The following CNTN3 variants were observed in gnomAD, a reference collection of about 807,000 sequenced individuals.
CNTN3 encodes the protein contactin 3.
CNTN3 carries 60 observed loss-of-function variants against 119.1 expected under a neutral mutation model. That is an observed-to-expected ratio of 0.50 (90% CI 0.41 to 0.62). CNTN3 has a LOEUF of 0.62. CNTN3 is among the 20% of genes least tolerant of loss of function. The pLI, the probability that CNTN3 is intolerant of heterozygous loss-of-function variation, is 0.00. For synonymous variants in CNTN3, 450 were observed against 438.7 expected (o/e 1.03, Z -0.32); for missense variants, 1,101 against 1,242.4 (o/e 0.89, Z 1.71).
intron 5 of CNTN3, among the ~76,000 whole-genome samples, chr3:74,419,271 G>T (rs572126904): frequency 6.6e-6 from 1 of 152,162 alleles, no homozygotes; most frequent in African/African-American, 2.4e-5. Context: ...CTGCCTTGAC[G>T]GAGACTCTAG....
intron 1 of CNTN3, among the ~76,000 whole-genome samples, chr3:74,588,712 A>G (rs926932544): frequency 1.3e-5 from 2 of 152,152 alleles, no homozygotes; most frequent in African/African-American, 4.8e-5. Flanking sequence ...ACTATACTAC[A>G]AGGCTACAGT....
chr3:74,440,272 T>C (rs1204051973), intron 4 of CNTN3, among the ~76,000 whole-genome samples: 1 of 152,140 alleles, frequency 6.6e-6, no homozygotes. Flanking sequence ...TTCGCACATA[T>C]TATATATTAG....
chr3:74,322,492 T>A (rs1199560079), intron 13 of CNTN3, among the ~76,000 whole-genome samples: 1 of 152,154 alleles, frequency 6.6e-6, no homozygotes, highest in African/African-American at 2.4e-5. Flanking sequence ...ACTGACAACA[T>A]AAAATTCTGG....
chr3:74,303,406 C>T (rs116050428), intron 13 of CNTN3, among the ~76,000 whole-genome samples: 1,650 of 152,184 alleles, frequency 0.011, 13 homozygotes, highest in Middle Eastern at 0.02. Context: ...TTAAAAATAA[C>T]AGCTAGCCGG....
intron 1 of CNTN3, among the ~76,000 whole-genome samples, chr3:74,592,802 T>C (rs1009482264): frequency 1.3e-5 from 2 of 151,984 alleles, no homozygotes; most frequent in Non-Finnish European, 2.9e-5. Flanking sequence ...ACATTTTATA[T>C]GTCACACTGA....
intron 1 of CNTN3, among the ~76,000 whole-genome samples, chr3:74,607,702 T>C (rs779950752): frequency 6.6e-6 from 1 of 152,192 alleles, no homozygotes; most frequent in Non-Finnish European, 1.5e-5. Flanking sequence ...GTTCATGATA[T>C]TTAAGAACAA....
intron 1 of CNTN3, among the ~76,000 whole-genome samples, chr3:74,576,957 T>G (rs1704427463): frequency 6.6e-6 from 1 of 152,194 alleles, no homozygotes; most frequent in Admixed American, 6.5e-5. Flanking sequence ...GTGAGCAACC[T>G]TGGCCTTCTA....
intron 13 of CNTN3, among the ~76,000 whole-genome samples, chr3:74,306,077 GA>G (rs957559822): frequency 7.3e-5 from 11 of 150,474 alleles, no homozygotes; most frequent in Non-Finnish European, 1.6e-4. Flanking sequence ...AGGCATTTAA[GA>G]AAAAAAAGGT....
At chr3:74,279,841 A>AT (rs1482409504) in intron 20 of CNTN3, among the ~76,000 whole-genome samples, 1 of 152,112 alleles carries the variant, frequency 6.6e-6, no homozygotes, top group African/African-American at 2.4e-5. Context: ...CATAGAGAGT[A>AT]GAAGGATGAT....
chr3:74,465,358 C>A (rs763617272), intron 4 of CNTN3, among the ~76,000 whole-genome samples: 1 of 152,040 alleles, frequency 6.6e-6, no homozygotes, highest in African/African-American at 2.4e-5. Context: ...ATTACACTCA[C>A]GACTCAGTCA....
chr3:74,445,062 A>G (rs1702026820), intron 4 of CNTN3, among the ~76,000 whole-genome samples: 1 of 152,172 alleles, frequency 6.6e-6, no homozygotes, highest in African/African-American at 2.4e-5. Flanking sequence ...GTGTCTAGAC[A>G]ACTACTGCGG....
intron 19 of CNTN3, among the ~76,000 whole-genome samples, chr3:74,292,883 TG>T (rs1702261502): frequency 6.6e-6 from 1 of 152,230 alleles, no homozygotes; most frequent in Non-Finnish European, 1.5e-5. Flanking sequence ...GAGCTACTGT[TG>T]GCTCCCCATC....
chr3:74,283,308 C>T (rs908018973), intron 20 of CNTN3, among the ~76,000 whole-genome samples: 1 of 152,092 alleles, frequency 6.6e-6, no homozygotes, highest in African/African-American at 2.4e-5. Flanking sequence ...CATGACATTG[C>T]TGTGGGAATT....
chr3:74,348,639 T>A (rs1327811658), intron 11 of CNTN3, among the ~76,000 whole-genome samples: 1 of 152,144 alleles, frequency 6.6e-6, no homozygotes, highest in Non-Finnish European at 1.5e-5. Context: ...AATGGACACC[T>A]ATCTTCCAGC....
chr3:74,403,298 G>A (rs1705243842), intron 5 of CNTN3, among the ~76,000 whole-genome samples: 1 of 152,110 alleles, frequency 6.6e-6, no homozygotes, highest in Non-Finnish European at 1.5e-5. Context: ...AGAATATAAG[G>A]TAGGAGTAAA....
At chr3:74,331,764 T>A (rs1703269675) in intron 13 of CNTN3, among the ~76,000 whole-genome samples, 1 of 152,212 alleles carries the variant, frequency 6.6e-6, no homozygotes, top group African/African-American at 2.4e-5. Flanking sequence ...TCCTCCTTTG[T>A]GATGTGCCAA....
intron 1 of CNTN3, among the ~76,000 whole-genome samples, chr3:74,575,455 T>C (rs1704398815): frequency 6.6e-6 from 1 of 152,050 alleles, no homozygotes; most frequent in African/African-American, 2.4e-5. Flanking sequence ...TTTCACCATG[T>C]TGGCCAGACT....
At chr3:74,498,033 T>A (rs1703095812) in intron 3 of CNTN3, among the ~76,000 whole-genome samples, 1 of 151,880 alleles carries the variant, frequency 6.6e-6, no homozygotes, top group Admixed American at 6.6e-5. Context: ...CCTATATGAC[T>A]AAATCTTGTA....
At chr3:74,381,062 T>TC (rs1362253427) in intron 5 of CNTN3, among the ~76,000 whole-genome samples, 10 of 151,108 alleles carry the variant, frequency 6.6e-5, no homozygotes, top group African/African-American at 1.7e-4. Flanking sequence ...TGTTTTTTTT[T>TC]TTCTCTCTCT....
Sources: gnomAD v4.1 joint callset for allele counts (sites outside exome capture counted in the v4.1 genomes callset) on GRCh38, gnomAD v4.1.1 for gene constraint, MANE v1.5 for transcripts, NCBI Gene and HGNC (gene_info 2026-07-23, HGNC 2026-07-21) for gene names.